The following KCNH7 variants were observed in gnomAD, a reference collection of about 807,000 sequenced individuals.
KCNH7 encodes voltage-gated inwardly rectifying potassium channel KCNH7.
A neutral mutation model predicts 120.8 loss-of-function variants in KCNH7; 49 were observed. The observed-to-expected ratio is 0.41, with a 90% CI of 0.32 to 0.51. The LOEUF is 0.51. KCNH7 is among the 20% of genes least tolerant of loss of function. KCNH7 has a pLI of 0.38. For synonymous variants in KCNH7, 547 were observed against 516.1 expected, an observed-to-expected ratio of 1.06 and a Z score of -0.81; for missense variants, 1,097 against 1,446.6, an observed-to-expected ratio of 0.76 and a Z score of 3.92.
intron 2 of KCNH7, among the ~76,000 whole-genome samples, chr2:162,621,997 T>C (rs1683379784): frequency 1.3e-5 from 2 of 152,216 alleles, no homozygotes; most frequent in South Asian, 4.1e-4. Flanking sequence ...TTAAAGAATA[T>C]TCAGTCTAAT....
At chr2:162,710,101 C>T (rs890137222) in intron 2 of KCNH7, among the ~76,000 whole-genome samples, 12 of 152,034 alleles carry the variant, frequency 7.9e-5, no homozygotes, top group Non-Finnish European at 1.0e-4. Flanking sequence ...ATAATGTGAG[C>T]AGAGATGGTC....
intron 2 of KCNH7, among the ~76,000 whole-genome samples, chr2:162,655,724 C>A (rs530398205): frequency 4.2e-4 from 64 of 152,166 alleles, no homozygotes; most frequent in African/African-American, 1.5e-3. Flanking sequence ...ACCTGGGAGG[C>A]GGAGGTTGCA....
chr2:162,602,421 C>G (rs780959469), intron 2 of KCNH7, among the ~76,000 whole-genome samples: 1 of 152,100 alleles, frequency 6.6e-6, no homozygotes, highest in Non-Finnish European at 1.5e-5. Context: ...CTCTCCACAG[C>G]CTACAAAACC....
chr2:162,506,537 T>C (rs1690888871), intron 5 of KCNH7, among the ~76,000 whole-genome samples: 1 of 151,842 alleles, frequency 6.6e-6, no homozygotes, highest in African/African-American at 2.4e-5. Flanking sequence ...ACAGGGATAC[T>C]ATTAAGAGAT....
At chr2:162,703,332 G>A (rs967037754) in intron 2 of KCNH7, among the ~76,000 whole-genome samples, 8 of 152,044 alleles carry the variant, frequency 5.3e-5, no homozygotes, top group Non-Finnish European at 8.8e-5. Flanking sequence ...ACTAGACCCC[G>A]GGTTCAAATT....
chr2:162,420,754 G>A (rs773128330), intron 9 of KCNH7, among the ~76,000 whole-genome samples: 9 of 152,040 alleles, frequency 5.9e-5, no homozygotes, highest in Middle Eastern at 3.2e-3. Flanking sequence ...GAAATGTTTC[G>A]TGAGAAATTA....
In KCNH7 at chr2:162,394,402, A is replaced by G; in HGVS notation, c.2697T>C (p.Ser899=). Residue 899 remains serine (S), a synonymous_variant, in exon 12 of 16, where the codon AGT becomes AGC. Transcript: ENST00000332142. The part of the protein sequence containing the change: ...KLRRRKLSFE[S]EGEKENSTND... ...GGAATGAATTACCTTTCTCTCCTTC[A>G]CTTTCAAATGACAATTTCCTTCTTC... 6.4e-7 allele frequency: 1 copy of G among 1,573,784 alleles called. No homozygotes were observed. Among genetic ancestry groups the G allele is most frequent in the South Asian group, 1.1e-5 (1 of 90,234 alleles).
At chr2:162,728,852 G>A (rs986080603) in intron 2 of KCNH7, among the ~76,000 whole-genome samples, 4 of 152,048 alleles carry the variant, frequency 2.6e-5, no homozygotes, top group Non-Finnish European at 5.9e-5. Context: ...GGTAATTTTG[G>A]TCTTATTTTG....
At chr2:162,439,309 G>C (rs1006012916) in intron 7 of KCNH7, among the ~76,000 whole-genome samples, 1 of 151,940 alleles carries the variant, frequency 6.6e-6, no homozygotes, top group Non-Finnish European at 1.5e-5. Flanking sequence ...ACTAAAAAGA[G>C]CATAAAAGCT....
intron 6 of KCNH7, among the ~76,000 whole-genome samples, chr2:162,499,145 G>A (rs1356443251): frequency 6.6e-6 from 1 of 152,002 alleles, no homozygotes; most frequent in African/African-American, 2.4e-5. Flanking sequence ...AAAATAATAT[G>A]TTTCATCCTA....
At chr2:162,473,025 A>AAC (rs1366458509) in intron 6 of KCNH7, among the ~76,000 whole-genome samples, 2 of 152,070 alleles carry the variant, frequency 1.3e-5, no homozygotes, top group African/African-American at 4.8e-5. Context: ...GAACAATGAG[A>AAC]ACACTTGGAC....
intron 9 of KCNH7, among the ~76,000 whole-genome samples, chr2:162,415,148 T>C (rs536253352): frequency 6.9e-6 from 1 of 145,092 alleles, no homozygotes; most frequent in East Asian, 2.0e-4. Flanking sequence ...GTCCTTTTTT[T>C]AAAAAAAAAA....
At chr2:162,400,709 C>G (rs1687042730) in intron 9 of KCNH7, among the ~76,000 whole-genome samples, 1 of 151,894 alleles carries the variant, frequency 6.6e-6, no homozygotes, top group Non-Finnish European at 1.5e-5. Flanking sequence ...TACAACTTTT[C>G]ACACTGCTTC....
intron 2 of KCNH7, among the ~76,000 whole-genome samples, chr2:162,698,307 G>A (rs186668584): frequency 1.3e-4 from 20 of 152,116 alleles, no homozygotes; most frequent in Admixed American, 1.1e-3. Context: ...ATTGTGTATT[G>A]AAATCCATGA....
At chr2:162,431,437 C>T (rs1688063466) in intron 8 of KCNH7, among the ~76,000 whole-genome samples, 2 of 151,910 alleles carry the variant, frequency 1.3e-5, no homozygotes, top group African/African-American at 4.8e-5. Context: ...CTGGGAATAT[C>T]ATGTGCATAT....
In KCNH7 at chr2:162,400,449, A is replaced by G; in HGVS notation, c.2155-8T>C. On this transcript the variant is annotated splice_region_variant and splice_polypyrimidine_tract_variant and intron_variant, in intron 9 of 15. Transcript: ENST00000332142. ...TGGGAAACCCTTTAGGACCTGAGGA[A>G]AAAAAGAAAGAGTTTCATACTACCA... is the stretch of plus-strand genomic sequence containing the variant. 1 of 1,610,784 alleles carries G rather than the reference A, an allele frequency of 6.2e-7. No homozygotes were observed. Among genetic ancestry groups the G allele is most frequent in the Non-Finnish European group, 8.5e-7 (1 of 1,178,026 alleles).
intron 2 of KCNH7, among the ~76,000 whole-genome samples, chr2:162,807,543 G>T (rs1330280001): frequency 1.3e-5 from 2 of 152,072 alleles, no homozygotes; most frequent in African/African-American, 4.8e-5. Context: ...TGGCTTTTTT[G>T]TATTTGAAAA....
intron 3 of KCNH7, among the ~76,000 whole-genome samples, chr2:162,520,930 T>C (rs1163260938): frequency 1.3e-5 from 2 of 151,894 alleles, no homozygotes; most frequent in Admixed American, 6.6e-5. Context: ...AATCCAGTCA[T>C]ATGGAATTTT....
At chr2:162,750,306 A>C (rs114230328) in intron 2 of KCNH7, among the ~76,000 whole-genome samples, 1 of 152,084 alleles carries the variant, frequency 6.6e-6, no homozygotes, top group East Asian at 1.9e-4. Flanking sequence ...CTTAACTTTT[A>C]ATCTCACAGA....
Sources: gnomAD v4.1 joint callset for allele counts (sites outside exome capture counted in the v4.1 genomes callset) on GRCh38, gnomAD v4.1.1 for gene constraint, MANE v1.5 for transcripts, NCBI Gene and HGNC (gene_info 2026-07-23, HGNC 2026-07-21) for gene names.